Variants in ZNF407 observed in about 807,000 individuals in gnomAD.
ZNF407 encodes zinc finger protein 407.
A neutral mutation model predicts 131.2 loss-of-function variants in ZNF407; 17 were observed. The ratio of observed to expected loss-of-function variants is 0.13; its 90% CI spans 0.09 to 0.19. The LOEUF is 0.19. Among genes scored for constraint, ZNF407 ranks in the 10% least tolerant of loss-of-function variants. The probability of loss-of-function intolerance (pLI) is 1.00; values close to 1 mark genes in which losing one functional copy is unlikely to be tolerated. For synonymous variants in ZNF407, 1,156 were observed against 1,062.0 expected (o/e 1.09, Z -1.72); for missense variants, 2,681 against 2,830.6 (o/e 0.95, Z 1.20).
chr18:74,690,588 T>C (rs141419621), intron 3 of ZNF407, among the ~76,000 whole-genome samples: 2 of 152,300 alleles, frequency 1.3e-5, no homozygotes, highest in East Asian at 3.9e-4. Flanking sequence ...CCTTGAGATT[T>C]GAAGTATTTG....
At chr18:74,618,870 C>T (rs996796014) in intron 1 of ZNF407, among the ~76,000 whole-genome samples, 20 of 152,222 alleles carry the variant, frequency 1.3e-4, no homozygotes, top group African/African-American at 4.8e-4. Flanking sequence ...AACTCAGATC[C>T]TTGATACCTA....
intron 8 of ZNF407, among the ~76,000 whole-genome samples, chr18:74,971,650 TG>T (rs1384401080): frequency 3.3e-5 from 5 of 152,236 alleles, no homozygotes; most frequent in Non-Finnish European, 7.3e-5. Context: ...GTCAGCATTT[TG>T]GGCAAAGCCA....
At chr18:74,776,295 A>G (rs1969470080) in intron 3 of ZNF407, among the ~76,000 whole-genome samples, 1 of 152,264 alleles carries the variant, frequency 6.6e-6, no homozygotes, top group South Asian at 2.1e-4. Context: ...AGCCTCCAGA[A>G]CTGTAAGCAA....
intron 8 of ZNF407, among the ~76,000 whole-genome samples, chr18:75,013,813 A>T (rs922417442): frequency 1.6e-4 from 24 of 152,086 alleles, no homozygotes; most frequent in African/African-American, 5.6e-4. Context: ...TGCTTGCCTT[A>T]TGTTTTTATC....
At chr18:75,044,370 GT>G (rs1973409048) in intron 8 of ZNF407, among the ~76,000 whole-genome samples, 1 of 146,436 alleles carries the variant, frequency 6.8e-6, no homozygotes, top group Admixed American at 6.8e-5. Flanking sequence ...TTGTTTGTTT[GT>G]TTTCCTTTAA....
At position 74,630,979 on chromosome 18, in the gene ZNF407, A is replaced by C. The variant is rs1984029425; in HGVS notation, c.-41A>C. ...GTTTACTTCACAGGTTATGAGTGCC[A>C]GTGAGCCGCCTTAGATAGAAGCATC... On this transcript the variant is annotated 5_prime_UTR_variant, in exon 2 of 9. Coordinates refer to ENST00000299687, the MANE Select transcript of ZNF407 (RefSeq NM_017757.3). 6.5e-7 allele frequency: 1 copy of C among 1,548,950 alleles called. No homozygotes were observed. The highest frequency in any genetic ancestry group is 2.2e-5 in the East Asian group (1 of 44,448).
chr18:74,804,745 T>G (rs955963992), intron 4 of ZNF407: 2 of 443,840 alleles, frequency 4.5e-6, no homozygotes, highest in African/African-American at 4.3e-5. Flanking sequence ...GTTAGCCGAG[T>G]TGTTTCCTAT....
chr18:74,925,259 C>G (rs1971898402), intron 8 of ZNF407, among the ~76,000 whole-genome samples: 1 of 152,082 alleles, frequency 6.6e-6, no homozygotes, highest in South Asian at 2.1e-4. Flanking sequence ...TTGAAATTAT[C>G]ATATTCTCTT....
intron 1 of ZNF407, among the ~76,000 whole-genome samples, chr18:74,598,710 GCTGC>G (rs1982429165): frequency 6.6e-6 from 1 of 152,278 alleles, no homozygotes. Context: ...GAGACCCGCG[GCTGC>G]CTGACACCGC....
At position 74,632,615 on chromosome 18, in the gene ZNF407, C is replaced by T. The variant is rs954223504; in HGVS notation, c.1596C>T (p.Asp532=). Residue 532 remains aspartate, a synonymous_variant, in exon 2 of 9, where the codon GAC becomes GAT. Transcript: ENST00000299687. Reference sequence around the variant, plus strand: ...CTCAGACGTTGTGTGCTTGTACAGACTGTGGGCAAGTAGCTACAAATAGGA... The same window carrying T: ...CTCAGACGTTGTGTGCTTGTACAGATTGTGGGCAAGTAGCTACAAATAGGA... ...SGSQTLCACT[D]CGQVATNRTD... 2 of 1,614,056 alleles carry T rather than the reference C, an allele frequency of 1.2e-6. No individual in the cohort carries two copies. The highest frequency in any genetic ancestry group is 2.2e-5 in the East Asian group (1 of 44,878).
At chr18:75,034,122 G>A (rs116436915) in intron 8 of ZNF407, among the ~76,000 whole-genome samples, 114 of 152,116 alleles carry the variant, frequency 7.5e-4, no homozygotes, top group African/African-American at 2.6e-3. Context: ...ACATATCAGC[G>A]TTCTGTAATT....
intron 3 of ZNF407, among the ~76,000 whole-genome samples, chr18:74,730,897 C>A (rs1434723210): frequency 6.6e-6 from 1 of 152,098 alleles, no homozygotes; most frequent in Non-Finnish European, 1.5e-5. Flanking sequence ...TCCAATCATC[C>A]CCCTTAAGAA....
intron 6 of ZNF407, among the ~76,000 whole-genome samples, chr18:74,884,777 A>G (rs1248011205): frequency 6.6e-6 from 1 of 152,190 alleles, no homozygotes; most frequent in African/African-American, 2.4e-5. Context: ...GCTACATTAA[A>G]CAGAGTTTTT....
At chr18:74,873,341 T>TAATGA (rs1398802290) in intron 4 of ZNF407, among the ~76,000 whole-genome samples, 2 of 152,210 alleles carry the variant, frequency 1.3e-5, no homozygotes, top group African/African-American at 4.8e-5. Context: ...ATCAATCATA[T>TAATGA]AATGAGAGAA....
At chr18:74,884,954 C>T (rs1260300230) in intron 6 of ZNF407, among the ~76,000 whole-genome samples, 2 of 152,086 alleles carry the variant, frequency 1.3e-5, no homozygotes, top group Non-Finnish European at 2.9e-5. Context: ...AAGACACCTA[C>T]CAACACTATT....
At chr18:74,856,375 A>G (rs1481490154) in intron 4 of ZNF407, among the ~76,000 whole-genome samples, 3 of 152,224 alleles carry the variant, frequency 2.0e-5, no homozygotes, top group Non-Finnish European at 4.4e-5. Flanking sequence ...CTCTCACGCT[A>G]TAAATTCCTG....
intron 8 of ZNF407, among the ~76,000 whole-genome samples, chr18:74,944,173 A>G (rs1044735984): frequency 4.6e-5 from 7 of 152,204 alleles, no homozygotes; most frequent in African/African-American, 1.7e-4. Context: ...TCAAAATGTA[A>G]GTAAGCTTAC....
intron 4 of ZNF407, among the ~76,000 whole-genome samples, chr18:74,828,757 A>G (rs1212101088): frequency 2.3e-5 from 3 of 129,706 alleles, no homozygotes; most frequent in Non-Finnish European, 5.4e-5. Flanking sequence ...TAAAACACCA[A>G]TGTGATACTT....
Position 75,048,186 on chromosome 18 carries a change from C to A in ZNF407, c.5429-14964C>A, listed in dbSNP as rs1170769925. Among the ~76,000 whole-genome samples the A allele has an allele frequency of 6.6e-6, 1 of 152,196 alleles. No homozygotes were observed. Among genetic ancestry groups the A allele is most frequent in the Non-Finnish European group, 1.5e-5 (1 of 68,036 alleles). On this transcript the variant is annotated intron_variant, in intron 8 of 8. Coordinates refer to ENST00000299687, the MANE Select transcript of ZNF407 (RefSeq NM_017757.3). This position sits in a 1 kb window ranked among gnomAD's most constrained non-coding sequence, Gnocchi z 4.1. ...AGCACCAGGCCTGTGCCTCGTCTCCCGGTGACCTGTACAGACACCGCCCTT... is the reference window on the plus strand; with the variant it reads ...AGCACCAGGCCTGTGCCTCGTCTCCAGGTGACCTGTACAGACACCGCCCTT...
Sources: gnomAD v4.1 joint callset for allele counts (sites outside exome capture counted in the v4.1 genomes callset) on GRCh38, gnomAD v4.1.1 for gene constraint, Gnocchi (gnomAD v3.1) non-coding constraint, MANE v1.5 for transcripts, NCBI Gene and HGNC (gene_info 2026-07-23, HGNC 2026-07-21) for gene names.